Variants in CELSR1 observed in about 807,000 individuals in gnomAD.
The protein encoded by CELSR1 is cadherin EGF LAG seven-pass G-type receptor 1.
Under a neutral mutation model 249.1 loss-of-function variants are expected in CELSR1, and 110 were observed. The observed-to-expected ratio is 0.44, with a 90% CI of 0.38 to 0.52. The LOEUF (loss-of-function observed/expected upper bound fraction) is 0.52, where lower values mean the gene tolerates loss of function less well. Among genes scored for constraint, CELSR1 ranks in the 20% least tolerant of loss-of-function variants. The pLI, the probability that CELSR1 is intolerant of heterozygous loss-of-function variation, is 0.00. For synonymous variants in CELSR1, 2,113 were observed against 1,900.0 expected (o/e 1.11, Z -2.92); for missense variants, 4,109 against 4,296.4 (o/e 0.96, Z 1.22).
intron 20 of CELSR1, among the ~76,000 whole-genome samples, chr22:46,382,273 TTTTA>T (rs971341662): frequency 7.2e-5 from 11 of 151,962 alleles, no homozygotes; most frequent in Admixed American, 2.0e-4. Context: ...ATACTTCTAT[TTTTA>T]TTTATTTATT....
At position 46,473,798 on chromosome 22, in the gene CELSR1, G is replaced by A. The variant is rs552439941; in HGVS notation, c.3545-9453C>T. ...AGGGAACTTTGAAGTGGCTGTGTGC[G>A]TCTCTCTCTCTTCTGGGTTTGTTTT... On this transcript the variant is annotated intron_variant, in intron 1 of 34. Transcript: ENST00000674500. The surrounding 1 kb of genome is among the most constrained non-coding windows in gnomAD (Gnocchi z 6.6). 8.2e-4 allele frequency among the ~76,000 whole-genome samples: 125 copies of A among 152,254 alleles called. 1 individual carries two copies. The highest frequency in any genetic ancestry group is 2.9e-3 in the African/African-American group (122 of 41,542).
rs998642708 is a variant in CELSR1 at position 46,464,026 on chromosome 22, C to T, written c.3864G>A (p.Arg1288=). The T allele has an allele frequency of 1.2e-6, 2 of 1,613,850 alleles. No individual in the cohort carries two copies. The highest frequency in any genetic ancestry group is 1.7e-5 in the Admixed American group (1 of 60,034). The part of the protein sequence containing the change: ...EDLQEQIYLN[R]TLLTTISTQR... ...GCGTGGAGATGGTGGTCAGCAGCGTCCGATTCAGGTAGATCTGCTCCTGCA... is the reference window on the plus strand; with the variant it reads ...GCGTGGAGATGGTGGTCAGCAGCGTTCGATTCAGGTAGATCTGCTCCTGCA... Residue 1288 remains arginine, a synonymous_variant, in exon 2 of 35, where the codon CGG becomes CGA. Coordinates refer to ENST00000674500, the MANE Select transcript of CELSR1 (RefSeq NM_001378328.1). The surrounding 1 kb of genome is among the most constrained non-coding windows in gnomAD (Gnocchi z 8.5).
chr22:46,394,780 G>A (rs1035066249), intron 13 of CELSR1, among the ~76,000 whole-genome samples: 1 of 152,170 alleles, frequency 6.6e-6, no homozygotes, highest in South Asian at 2.1e-4. Flanking sequence ...TTAGGACGGC[G>A]GCATGCGCCC....
In CELSR1 at chr22:46,411,375, C is replaced by T. The variant is rs1324870061; in HGVS notation, c.4769+227G>A. ...GGGGTCTGCAAGCTGGCCATCACAA[C>T]CCTGGGGTCGGCCTGGCCACTCTTG... On this transcript the variant is annotated intron_variant, in intron 6 of 34. Transcript: ENST00000674500. The surrounding 1 kb of genome is among the most constrained non-coding windows in gnomAD (Gnocchi z 4.2). 6.6e-6 allele frequency among the ~76,000 whole-genome samples: 1 copy of T among 152,160 alleles called. No individual in the cohort carries two copies. Among genetic ancestry groups the T allele is most frequent in the Non-Finnish European group, 1.5e-5 (1 of 68,022 alleles).
In CELSR1 at chr22:46,533,889, C is replaced by G. The variant is rs374625464; in HGVS notation, c.3282G>C (p.Gln1094His). Residue 1094 changes from glutamine (Q) to histidine (H), a missense_variant, in exon 1 of 35, where the codon CAG becomes CAC. Transcript: ENST00000674500. The stretch of plus-strand genomic sequence containing the variant: ...CGGGCAGCACAGGCGGGTTGTCATT[C>G]TGGTCCACGAGAAGGATGTGCACCG... ...RATVHILLVD[Q>H]NDNPPVLPDF... The G allele has an allele frequency of 9.2e-5, 148 of 1,613,430 alleles. No individual in the cohort carries two copies. The highest frequency in any genetic ancestry group is 1.2e-4 in the Non-Finnish European group (145 of 1,180,038).
Position 46,448,812 on chromosome 22 carries a change from A to C in CELSR1, c.4184-9401T>G, listed in dbSNP as rs2079849480. 6.6e-6 allele frequency among the ~76,000 whole-genome samples: 1 copy of C among 152,272 alleles called. No individual in the cohort carries two copies. Among genetic ancestry groups the C allele is most frequent in the Admixed American group, 6.5e-5 (1 of 15,296 alleles). ...CCCCATCAAAGAGCTCAGTCCTAAC[A>C]CTGGATCCTAGGATGCAGAAAGCAC... On this transcript the variant is annotated intron_variant, in intron 2 of 34. Coordinates refer to ENST00000674500, the MANE Select transcript of CELSR1 (RefSeq NM_001378328.1). This position sits in a 1 kb window ranked among gnomAD's most constrained non-coding sequence, Gnocchi z 5.7.
At position 46,427,826 on chromosome 22, in the gene CELSR1, C is replaced by T. The variant is rs1024085554; in HGVS notation, c.4611+5567G>A. On this transcript the variant is annotated intron_variant, in intron 5 of 34. Transcript: ENST00000674500. The surrounding 1 kb of genome is among the most constrained non-coding windows in gnomAD (Gnocchi z 4.2). ...AGGGGACCACACAACTGTCTAACCA[C>T]GGCAGATCTGTAGAGCCCAGAAAGG... is the stretch of plus-strand genomic sequence containing the variant. 1.2e-4 allele frequency among the ~76,000 whole-genome samples: 19 copies of T among 152,094 alleles called. No homozygotes were observed. The highest frequency in any genetic ancestry group is 2.6e-4 in the Admixed American group (4 of 15,278).
Position 46,464,205 on chromosome 22 carries a change from C to T in CELSR1, c.3685G>A (p.Glu1229Lys). The change falls in exon 2 of 35, where the codon GAG (glutamate) becomes AAG (lysine). Residue 1229 changes from glutamate to lysine, a missense_variant. Physicochemically the swap from Glu to Lys is moderately conservative, Grantham distance 56. Coordinates refer to ENST00000674500, the MANE Select transcript of CELSR1 (RefSeq NM_001378328.1). This position sits in a 1 kb window ranked among gnomAD's most constrained non-coding sequence, Gnocchi z 8.5. ...FLSPLLALFVEGVAAVLSTTK... is the reference protein window; with the variant it reads ...FLSPLLALFVKGVAAVLSTTK... The stretch of plus-strand genomic sequence containing the variant: ...GTGGACAGCACGGCGGCCACCCCCT[C>T]CACGAAGAGGGCCAGCAGCGGGGAC... 2.5e-6 allele frequency: 4 copies of T among 1,613,676 alleles called. No individual in the cohort carries two copies. In the South Asian group the frequency reaches 4.4e-5, roughly 18 times the overall value.
At chr22:46,503,162 G>T (rs1370611924) in intron 1 of CELSR1, among the ~76,000 whole-genome samples, 1 of 152,170 alleles carries the variant, frequency 6.6e-6, no homozygotes. Context: ...ATAATCACAG[G>T]ACAGGGACAG....
rs993167086 is a variant in CELSR1, at chr22:46,517,892, G to C, written c.3544+15735C>G. Among the ~76,000 whole-genome samples, 2 of 136,544 alleles carry C rather than the reference G, an allele frequency of 1.5e-5. No individual in the cohort carries two copies. Among genetic ancestry groups the C allele is most frequent in the Non-Finnish European group, 3.1e-5 (2 of 64,524 alleles). The allele number at this position is 136,544 out of a possible 152,430, so 89.6% of individuals were successfully genotyped here. A position where few individuals can be genotyped will look rare whatever the true frequency, so the allele number is the denominator to read the frequency against. ...ATTCTGTTTATTACACACCTCCCAC[G>C]GTGTCCCCTTCCTTTTTTTTTTTTT... On this transcript the variant is annotated intron_variant, in intron 1 of 34. Transcript: ENST00000674500. The surrounding 1 kb of genome is among the most constrained non-coding windows in gnomAD (Gnocchi z 5.4).
In CELSR1 at chr22:46,391,928, G is replaced by A. The variant is rs1050409226; in HGVS notation, c.5965-112C>T. The A allele has an allele frequency of 7.8e-6, 9 of 1,160,584 alleles. No individual in the cohort carries two copies. Among genetic ancestry groups the A allele is most frequent in the African/African-American group, 3.2e-5 (2 of 62,444 alleles). The allele number at this position is 1,160,584 out of a possible 1,614,324, so 71.9% of individuals were successfully genotyped here. ...TCCCACCCGGGTGTGTGTGTTGGCC[G>A]CCAGCCATCCCACCCCTCATGGCTA... On this transcript the variant is annotated intron_variant, in intron 14 of 34. Coordinates refer to ENST00000674500, the MANE Select transcript of CELSR1 (RefSeq NM_001378328.1). The surrounding 1 kb of genome is among the most constrained non-coding windows in gnomAD (Gnocchi z 4.3).
At position 46,436,295 on chromosome 22, in the gene CELSR1, G is replaced by T; in HGVS notation, c.4407-6C>A. ...TCCTTTCCTGAGTGGCAAACCTGTG[G>T]GGCCAAGCAGAGGCACATCACAGGA... On this transcript the variant is annotated splice_region_variant and splice_polypyrimidine_tract_variant and intron_variant, in intron 3 of 34. Transcript: ENST00000674500. The surrounding 1 kb of genome is among the most constrained non-coding windows in gnomAD (Gnocchi z 5.9). 6.2e-7 allele frequency: 1 copy of T among 1,610,886 alleles called. No homozygotes were observed. The highest frequency in any genetic ancestry group is 1.1e-5 in the South Asian group (1 of 90,980).
In CELSR1 at chr22:46,464,523, G is replaced by A. The variant is rs568759946; in HGVS notation, c.3545-178C>T. Among the ~76,000 whole-genome samples the A allele has an allele frequency of 6.7e-6, 1 of 150,046 alleles. No homozygotes were observed. The highest frequency in any genetic ancestry group is 2.5e-5 in the African/African-American group (1 of 40,558). The stretch of plus-strand genomic sequence containing the variant: ...TGACCCTTCCTCCTTCAGCACCCTG[G>A]CCCCTGCCCCCCATGACCACCACCT... On this transcript the variant is annotated intron_variant, in intron 1 of 34. Coordinates refer to ENST00000674500, the MANE Select transcript of CELSR1 (RefSeq NM_001378328.1). The surrounding 1 kb of genome is among the most constrained non-coding windows in gnomAD (Gnocchi z 8.5).
In CELSR1 at chr22:46,535,715, G is replaced by A. The variant is rs933710267; in HGVS notation, c.1456C>T (p.Arg486Trp). 12 of 1,612,600 alleles carry A rather than the reference G, an allele frequency of 7.4e-6. No homozygotes were observed. The highest frequency in any genetic ancestry group is 1.6e-4 in the Middle Eastern group (1 of 6,084). ...TAVLRVQATD[R>W]DQGQNAAIHY... ...ATGGCCGCGTTCTGGCCCTGGTCCC[G>A]GTCCGTGGCCTGCACTCGCAGCACA... Residue 486 changes from arginine to tryptophan, a missense_variant, in exon 1 of 35, where the codon CGG (arginine) becomes TGG (tryptophan). Arg to Trp is a moderately radical substitution (Grantham distance 101, BLOSUM62 -3). Around this residue, in one of 7 missense-constraint regions of CELSR1, gnomAD observed 135 missense variants for 190.0 expected, o/e 0.71. Transcript: ENST00000674500.
intron 1 of CELSR1, among the ~76,000 whole-genome samples, chr22:46,507,792 G>A (rs2080530025): frequency 6.6e-6 from 1 of 152,198 alleles, no homozygotes; most frequent in African/African-American, 2.4e-5. Flanking sequence ...TGAGCACTGT[G>A]AAGCCGGCGA....
In CELSR1 at chr22:46,506,848, C is replaced by T. The variant is rs548191607; in HGVS notation, c.3544+26779G>A. On this transcript the variant is annotated intron_variant, in intron 1 of 34. Coordinates refer to ENST00000674500, the MANE Select transcript of CELSR1 (RefSeq NM_001378328.1). This position sits in a 1 kb window ranked among gnomAD's most constrained non-coding sequence, Gnocchi z 4.1. ...GGTGTCTTCTCCACGGTCTGTCACC[C>T]GCACCACCAGGACACAGCCTGCACA... Among the ~76,000 whole-genome samples, 7 of 152,302 alleles carry T rather than the reference C, an allele frequency of 4.6e-5. No homozygotes were observed. Among genetic ancestry groups the T allele is most frequent in the East Asian group, 1.9e-4 (1 of 5,182 alleles).
intron 9 of CELSR1, among the ~76,000 whole-genome samples, chr22:46,404,500 T>C (rs1348006921): frequency 6.6e-6 from 1 of 152,132 alleles, no homozygotes; most frequent in African/African-American, 2.4e-5. Context: ...CAGTCTAAGA[T>C]AAATTCATGA....
chr22:46,461,593 T>C (rs1486472198), intron 2 of CELSR1, among the ~76,000 whole-genome samples: 1 of 152,024 alleles, frequency 6.6e-6, no homozygotes, highest in Non-Finnish European at 1.5e-5. Flanking sequence ...AGGTGGTGGG[T>C]GCTTGCACAG....
In CELSR1 at chr22:46,440,308, C is replaced by T. The variant is rs1053199613; in HGVS notation, c.4184-897G>A. Among the ~76,000 whole-genome samples, 3 of 152,300 alleles carry T rather than the reference C, an allele frequency of 2.0e-5. No individual in the cohort carries two copies. Among genetic ancestry groups the T allele is most frequent in the Admixed American group, 2.0e-4 (3 of 15,298 alleles). On this transcript the variant is annotated intron_variant, in intron 2 of 34. Transcript: ENST00000674500. This position sits in a 1 kb window ranked among gnomAD's most constrained non-coding sequence, Gnocchi z 4.7. Reference sequence around the variant, plus strand: ...CCGCCCCCGGACAGGGATGGTGAGCCGCAATCTGCACAGCCCATGCTGCCT... The same window carrying T: ...CCGCCCCCGGACAGGGATGGTGAGCTGCAATCTGCACAGCCCATGCTGCCT...
Sources: allele counts gnomAD v4.1 joint callset (sites outside exome capture counted in the v4.1 genomes callset), GRCh38; gene constraint gnomAD v4.1.1; regional missense constraint gnomAD v4.1.1; non-coding constraint Gnocchi (gnomAD v3.1); transcripts MANE v1.5; gene names NCBI Gene and HGNC (gene_info 2026-07-23, HGNC 2026-07-21).